Variants in TRIM5 observed in about 807,000 individuals in gnomAD.
The protein encoded by TRIM5 is tripartite motif-containing protein 5.
TRIM5 carries 31 observed loss-of-function variants against 35.6 expected under a neutral mutation model. The ratio of observed to expected loss-of-function variants is 0.87; its 90% CI spans 0.65 to 1.18. The LOEUF (loss-of-function observed/expected upper bound fraction) is 1.18. Among genes scored for constraint, TRIM5 ranks in the 50% most tolerant of loss-of-function variants. TRIM5 has a pLI of 0.00. For synonymous variants in TRIM5, 243 were observed against 215.6 expected, an observed-to-expected ratio of 1.13 and a Z score of -1.11; for missense variants, 609 against 591.6, an observed-to-expected ratio of 1.03 and a Z score of -0.31.
the TRIM5 span, among the ~76,000 whole-genome samples, chr11:5,623,195 C>CTT: frequency 6.9e-6 from 1 of 145,380 alleles, no homozygotes; most frequent in Non-Finnish European, 1.5e-5. Flanking sequence ...CTCAACCTGA[C>CTT]TTTTCCCTTT....
the TRIM5 span, among the ~76,000 whole-genome samples, chr11:5,633,374 G>T: frequency 2.0e-5 from 3 of 151,962 alleles, no homozygotes; most frequent in Non-Finnish European, 4.4e-5. Flanking sequence ...GATGATCCTA[G>T]AGTACAGTCT....
chr11:5,673,478 C>T lies in TRIM5; in HGVS notation c.744+4726G>A, dbSNP rs964299699. ...AGGAAAACTGACAACTCAATAACAA[C>T]TGGTGAAGATTTCAATAATTTACTC... On this transcript the variant is annotated intron_variant, in intron 4 of 7. Coordinates refer to ENST00000380034, the MANE Select transcript of TRIM5 (RefSeq NM_033034.3). 2.6e-5 allele frequency among the ~76,000 whole-genome samples: 4 copies of T among 152,148 alleles called. No homozygotes were observed. In the South Asian group the frequency reaches 6.2e-4, roughly 24 times the overall value.
At chr11:5,631,377 GGTA>G in the TRIM5 span, among the ~76,000 whole-genome samples, 2 of 152,142 alleles carry the variant, frequency 1.3e-5, no homozygotes, top group Non-Finnish European at 2.9e-5. Flanking sequence ...GAACTCTGAG[GGTA>G]TTATGTTCAC....
At chr11:5,678,810 G>C (rs925573726) in intron 3 of TRIM5, among the ~76,000 whole-genome samples, 1 of 152,056 alleles carries the variant, frequency 6.6e-6, no homozygotes, top group South Asian at 2.1e-4. Flanking sequence ...GTAGAGTCAC[G>C]GACTCAAAAA....
At chr11:5,629,296 AGGT>A in the TRIM5 span, among the ~76,000 whole-genome samples, 1 of 151,990 alleles carries the variant, frequency 6.6e-6, no homozygotes, top group African/African-American at 2.4e-5. Flanking sequence ...CAAAAACTAC[AGGT>A]CATTGAATTT....
the TRIM5 span, among the ~76,000 whole-genome samples, chr11:5,656,943 C>A: frequency 6.6e-6 from 1 of 152,192 alleles, no homozygotes; most frequent in Non-Finnish European, 1.5e-5. Flanking sequence ...CCATTTGACA[C>A]AGTAATCCCA....
At chr11:5,618,997 C>A in the TRIM5 span, among the ~76,000 whole-genome samples, 1 of 152,092 alleles carries the variant, frequency 6.6e-6, no homozygotes, top group Non-Finnish European at 1.5e-5. Flanking sequence ...TCACAGTAAT[C>A]CTGGAGAAAA....
rs1328783249 is a variant in TRIM5 at position 5,680,041 on chromosome 11, G to A, written c.137C>T (p.Ser46Phe). 1 of 1,613,986 alleles carries A rather than the reference G, an allele frequency of 6.2e-7. No homozygotes were observed. Among genetic ancestry groups the A allele is most frequent in the Non-Finnish European group, 8.5e-7 (1 of 1,180,040 alleles). ...QACLTANHKKSMLDKGESSCP... is the reference protein window; with the variant it reads ...QACLTANHKKFMLDKGESSCP... ...GCTACTCTCTCCTTTGTCTAGCATGGACTTCTTGTGGTTTGCAGTGAGGCA... is the reference window on the plus strand; with the variant it reads ...GCTACTCTCTCCTTTGTCTAGCATGAACTTCTTGTGGTTTGCAGTGAGGCA... Residue 46 changes from serine to phenylalanine, a missense_variant, in exon 2 of 8, where the codon TCC becomes TTC. Physicochemically the swap from Ser to Phe is radical, Grantham distance 155. Transcript: ENST00000380034.
At chr11:5,607,204 A>G in the TRIM5 span, among the ~76,000 whole-genome samples, 1 of 139,180 alleles carries the variant, frequency 7.2e-6, no homozygotes, top group African/African-American at 2.6e-5. Flanking sequence ...ACTCCATCTC[A>G]AAAAAAAAAA....
the TRIM5 span, among the ~76,000 whole-genome samples, chr11:5,625,948 CTTG>C: frequency 6.6e-6 from 1 of 152,356 alleles, no homozygotes; most frequent in Admixed American, 6.5e-5. Flanking sequence ...ATTTAATCTT[CTTG>C]TTAAGAATTT....
At chr11:5,603,246 G>T in the TRIM5 span, 7 of 1,612,748 alleles carry the variant, frequency 4.3e-6, no homozygotes, top group Non-Finnish European at 4.2e-6. Flanking sequence ...ATCTACCTAG[G>T]ATTCTACAGG....
At chr11:5,660,809 G>A (rs1850787550), downstream of TRIM5, among the ~76,000 whole-genome samples, 1 of 151,890 alleles carries the variant, frequency 6.6e-6, no homozygotes, top group Non-Finnish European at 1.5e-5. Flanking sequence ...TTCGGAGGCC[G>A]AGGCGGGCGG....
Position 5,664,671 on chromosome 11 carries a change from G to C in TRIM5, c.*138C>G, listed in dbSNP as rs1214787581. 29 of 1,426,052 alleles carry C rather than the reference G, an allele frequency of 2.0e-5. No individual in the cohort carries two copies. In the South Asian group the frequency reaches 3.6e-4, roughly 18 times the overall value. The allele number at this position is 1,426,052 out of a possible 1,614,324, so 88.3% of individuals were successfully genotyped here. On this transcript the variant is annotated 3_prime_UTR_variant, in exon 8 of 8. Transcript: ENST00000380034. ...CACAAGGCAATTATTACATTTTACTGATGAGTGAAGGACGTTCAAATAGAA... is the reference window on the plus strand; with the variant it reads ...CACAAGGCAATTATTACATTTTACTCATGAGTGAAGGACGTTCAAATAGAA...
At chr11:5,666,633 A>G (rs904460315) in intron 5 of TRIM5, among the ~76,000 whole-genome samples, 3 of 152,232 alleles carry the variant, frequency 2.0e-5, no homozygotes, top group African/African-American at 7.2e-5. Flanking sequence ...CTAAGGTTTC[A>G]GATTTCCGGG....
At chr11:5,591,592 G>A in the TRIM5 span, among the ~76,000 whole-genome samples, 2 of 151,964 alleles carry the variant, frequency 1.3e-5, no homozygotes, top group Admixed American at 1.3e-4. Context: ...AGGTTGCACT[G>A]AGCCATGATC....
chr11:5,657,511 T>A, the TRIM5 span, among the ~76,000 whole-genome samples: 1 of 138,632 alleles, frequency 7.2e-6, no homozygotes, highest in African/African-American at 2.7e-5. Flanking sequence ...TTATATATTA[T>A]ATATAATGCA....
chr11:5,646,546 C>T, the TRIM5 span, among the ~76,000 whole-genome samples: 3 of 152,292 alleles, frequency 2.0e-5, no homozygotes, highest in Non-Finnish European at 2.9e-5. Context: ...CATCTTTACA[C>T]GCTTGAAGCA....
chr11:5,662,019 G>T (rs1174712844), downstream of TRIM5, among the ~76,000 whole-genome samples: 1 of 152,208 alleles, frequency 6.6e-6, no homozygotes, highest in Non-Finnish European at 1.5e-5. Flanking sequence ...TTCCCAGTGA[G>T]TGAAAGCCTC....
the TRIM5 span, chr11:5,642,912 A>G: frequency 6.3e-7 from 1 of 1,593,974 alleles, no homozygotes. Flanking sequence ...TTTCAATGAT[A>G]TCTTCTGATC....
Sources: allele counts gnomAD v4.1 joint callset (sites outside exome capture counted in the v4.1 genomes callset), GRCh38; gene constraint gnomAD v4.1.1; transcripts MANE v1.5; gene names NCBI Gene and HGNC (gene_info 2026-07-23, HGNC 2026-07-21).